SLC5A4: variants seen among roughly 807,000 people sequenced by gnomAD.
SLC5A4 encodes the protein solute carrier family 5 member 4.
SLC5A4 carries 55 observed loss-of-function variants against 70.3 expected under a neutral mutation model. That is an observed-to-expected ratio of 0.78 (90% CI 0.63 to 0.98). The LOEUF is 0.98. Among genes scored for constraint, SLC5A4 ranks in the 50% least tolerant of loss-of-function variants. The probability of loss-of-function intolerance (pLI) is 0.00; values close to 1 mark genes in which losing one functional copy is unlikely to be tolerated. For missense variants in SLC5A4, 735 were observed against 839.2 expected, an observed-to-expected ratio of 0.88 and a Z score of 1.53; for synonymous variants, 268 against 305.7, an observed-to-expected ratio of 0.88 and a Z score of 1.29.
the SLC5A4 span, among the ~76,000 whole-genome samples, chr22:32,303,421 C>T: frequency 5.9e-5 from 9 of 152,146 alleles, no homozygotes; most frequent in African/African-American, 9.7e-5. Flanking sequence ...GTAGAGTAGC[C>T]GCCACTTCTA....
chr22:32,281,255 A>G, the SLC5A4 span, among the ~76,000 whole-genome samples: 1 of 152,162 alleles, frequency 6.6e-6, no homozygotes, highest in Non-Finnish European at 1.5e-5. Flanking sequence ...ATTCATGGGA[A>G]GGTGGGACGT....
chr22:32,241,619 T>A (rs1926513145), intron 5 of SLC5A4, among the ~76,000 whole-genome samples: 1 of 151,922 alleles, frequency 6.6e-6, no homozygotes, highest in Non-Finnish European at 1.5e-5. Flanking sequence ...CCAAAGCGGG[T>A]GGATCACTTG....
At chr22:32,267,969 A>C in the SLC5A4 span, among the ~76,000 whole-genome samples, 1 of 152,006 alleles carries the variant, frequency 6.6e-6, no homozygotes, top group East Asian at 1.9e-4. Flanking sequence ...CTAAAAATAC[A>C]AAAAATTAGC....
intron 6 of SLC5A4, among the ~76,000 whole-genome samples, chr22:32,238,371 G>A (rs1196497618): frequency 1.3e-5 from 2 of 152,150 alleles, no homozygotes; most frequent in Admixed American, 1.3e-4. Context: ...CAGCTCAAAT[G>A]CACGAAAATG....
the SLC5A4 span, among the ~76,000 whole-genome samples, chr22:32,351,062 T>C: frequency 2.0e-5 from 3 of 152,178 alleles, no homozygotes; most frequent in Non-Finnish European, 4.4e-5. Flanking sequence ...TCCCCTTCCT[T>C]TTCCTGTTGC....
chr22:32,244,468 A>G (rs747657062), intron 5 of SLC5A4, among the ~76,000 whole-genome samples: 1 of 152,234 alleles, frequency 6.6e-6, no homozygotes, highest in South Asian at 2.1e-4. Context: ...TTTCTATTAT[A>G]TAGTACTATT....
chr22:32,239,570 T>TA (rs1555989414), intron 5 of SLC5A4, among the ~76,000 whole-genome samples: 15 of 10,390 alleles, frequency 1.4e-3, no homozygotes, highest in Admixed American at 2.1e-3. Context: ...ATATATATAT[T>TA]TATATATATA....
chr22:32,254,673 G>T (rs186213778), intron 1 of SLC5A4, among the ~76,000 whole-genome samples: 1 of 152,058 alleles, frequency 6.6e-6, no homozygotes, highest in East Asian at 1.9e-4. Flanking sequence ...GCGTGGTGGC[G>T]CATGCCTGTA....
At chr22:32,348,975 TTTG>T in the SLC5A4 span, among the ~76,000 whole-genome samples, 12 of 152,298 alleles carry the variant, frequency 7.9e-5, no homozygotes, top group South Asian at 8.3e-4. Flanking sequence ...GACAAAACTC[TTTG>T]TTGTTGTTGT....
At chr22:32,313,556 G>T in the SLC5A4 span, among the ~76,000 whole-genome samples, 4 of 152,230 alleles carry the variant, frequency 2.6e-5, no homozygotes, top group Admixed American at 2.6e-4. Flanking sequence ...AGTGGAACAA[G>T]ATCTACAGTG....
At chr22:32,243,669 AT>A (rs1204534491) in intron 5 of SLC5A4, among the ~76,000 whole-genome samples, 1 of 152,182 alleles carries the variant, frequency 6.6e-6, no homozygotes, top group African/African-American at 2.4e-5. Context: ...GAAATTTTAC[AT>A]TGAAATTATT....
chr22:32,297,891 C>A, the SLC5A4 span, among the ~76,000 whole-genome samples: 4 of 100,256 alleles, frequency 4.0e-5, no homozygotes, highest in African/African-American at 1.5e-4. Flanking sequence ...ATCTTTATTT[C>A]TGCCTTCATT....
At chr22:32,276,599 A>C in the SLC5A4 span, 1 of 152,152 alleles carries the variant, frequency 6.6e-6, no homozygotes, top group African/African-American at 2.4e-5. Context: ...AGAATTTAGG[A>C]TTACTATTGC....
At chr22:32,292,946 TTA>T in the SLC5A4 span, among the ~76,000 whole-genome samples, 1 of 152,174 alleles carries the variant, frequency 6.6e-6, no homozygotes, top group Non-Finnish European at 1.5e-5. Context: ...TATTTTGAGG[TTA>T]TGTGTCAGTA....
chr22:32,243,944 G>GTGCCAC lies in SLC5A4; in HGVS notation c.477+3461_477+3466dup, dbSNP rs1325357596. ...GCAGAGGTTGCAGTGAGCTGAGATT[G>GTGCCAC]TGCCACTGCACTCCAGCCTGGAAGA... On this transcript the variant is annotated intron_variant, in intron 5 of 14. Transcript: ENST00000266086. 3.9e-5 allele frequency among the ~76,000 whole-genome samples: 6 copies of GTGCCAC among 152,314 alleles called. No homozygotes were observed. The East Asian group carries it at 1.2e-3, about 29-fold the overall frequency.
At chr22:32,238,900 A>T in intron 6 of SLC5A4, 85 bp downstream of exon 6, 1 of 912,420 alleles carries the variant, frequency 1.1e-6, no homozygotes, top group South Asian at 1.3e-5. Context: ...GGCAGTGACA[A>T]GGTTAACACT....
the SLC5A4 span, among the ~76,000 whole-genome samples, chr22:32,274,622 C>A: frequency 1.3e-5 from 2 of 152,018 alleles, no homozygotes; most frequent in Non-Finnish European, 2.9e-5. Context: ...TATTAAATAT[C>A]TTTTAAAACA....
the SLC5A4 span, chr22:32,271,020 C>T: frequency 1.8e-6 from 1 of 544,054 alleles, no homozygotes; most frequent in Non-Finnish European, 3.3e-6. Context: ...ACTAGCCCCA[C>T]AGTCGGTGAT....
At chr22:32,236,608 C>CAATACTTCTGTAA (rs1926072178) in intron 7 of SLC5A4, among the ~76,000 whole-genome samples, 1 of 152,056 alleles carries the variant, frequency 6.6e-6, no homozygotes, top group African/African-American at 2.4e-5. Context: ...GGTTTCTAGA[C>CAATACTTCTGTAA]AATACTTCTG....
Sources: allele counts gnomAD v4.1 joint callset (sites outside exome capture counted in the v4.1 genomes callset), GRCh38; gene constraint gnomAD v4.1.1; transcripts MANE v1.5; gene names NCBI Gene and HGNC (gene_info 2026-07-23, HGNC 2026-07-21).